MTMR6: variants seen among roughly 807,000 people sequenced by gnomAD.
MTMR6 encodes the protein myotubularin related protein 6.
Under a neutral mutation model 80.1 loss-of-function variants are expected in MTMR6, and 47 were observed. The ratio of observed to expected loss-of-function variants is 0.59; its 90% CI spans 0.46 to 0.75. The LOEUF (loss-of-function observed/expected upper bound fraction) is 0.75. Ranked by LOEUF, MTMR6 falls within the 30% of genes least tolerant of loss-of-function variation. The probability of loss-of-function intolerance (pLI) is 0.00; values close to 1 mark genes in which losing one functional copy is unlikely to be tolerated. For synonymous variants in MTMR6, 254 were observed against 253.0 expected, an observed-to-expected ratio of 1.00 and a Z score of -0.04; for missense variants, 629 against 730.9, an observed-to-expected ratio of 0.86 and a Z score of 1.61.
intron 2 of MTMR6, among the ~76,000 whole-genome samples, chr13:25,272,132 C>T (rs1957593701): frequency 6.6e-6 from 1 of 152,172 alleles, no homozygotes; most frequent in Non-Finnish European, 1.5e-5. Flanking sequence ...AAATGAATCC[C>T]TAGTCACATC....
chr13:25,249,430 T>TTCA lies in MTMR6; in HGVS notation c.1667_1668insTGA (p.Ser556_Val557insGlu). On this transcript the variant is annotated inframe_insertion, in exon 14 of 14. Coordinates refer to ENST00000381801, the MANE Select transcript of MTMR6 (RefSeq NM_004685.5). ...TGAGGTTAGGTGATTCAGGATGAAC[T>TTCA]GAATGTAACAATTCCTTGGTGAGGA... 1 of 1,614,096 alleles carries TTCA rather than the reference T, an allele frequency of 6.2e-7. No homozygotes were observed.
chr13:25,264,447 G>A (rs4463947), intron 5 of MTMR6, among the ~76,000 whole-genome samples: 148,909 of 152,148 alleles, frequency 0.98, 72,944 homozygotes, highest in East Asian at 1. Flanking sequence ...AGATTTAAAA[G>A]GACATTACTG....
intron 1 of MTMR6, among the ~76,000 whole-genome samples, chr13:25,279,495 AG>A (rs1957798695): frequency 6.6e-6 from 1 of 152,322 alleles, no homozygotes; most frequent in East Asian, 1.9e-4. Context: ...GGACTAATAC[AG>A]GTACTTTATT....
chr13:25,253,924 C>T lies in MTMR6; in HGVS notation c.1186G>A (p.Val396Met). Reference protein sequence around the residue: ...LDGDPKEVSPVFTQFLECVWH... With the variant: ...LDGDPKEVSPMFTQFLECVWH... Reference sequence around the variant, plus strand: ...ACACATTCCAAGAACTGAGTAAACACTGGTGAGACTTCCTTTGGGTCACCA... The same window carrying T: ...ACACATTCCAAGAACTGAGTAAACATTGGTGAGACTTCCTTTGGGTCACCA... The change falls in exon 11 of 14, where the codon GTG becomes ATG. Residue 396 changes from valine (V) to methionine (M), a missense_variant. By Grantham distance (21) the Val-to-Met change is conservative. Transcript: ENST00000381801. The T allele has an allele frequency of 6.2e-7, 1 of 1,614,180 alleles. No homozygotes were observed.
Position 25,251,661 on chromosome 13 carries a change from T to G in MTMR6, c.1593A>C (p.Lys531Asn). ...TCAGAATACTTACAGATTCTAGGTC[T>G]TTAATATCTTTCTCTAATTGTTTAT... The part of the protein sequence containing the change: ...EQNKQLEKDI[K>N]DLESKIKQRK... Residue 531 changes from lysine to asparagine, a missense_variant, in exon 13 of 14, where the codon AAA (lysine) becomes AAC (asparagine). Coordinates refer to ENST00000381801, the MANE Select transcript of MTMR6 (RefSeq NM_004685.5). This position sits in a 1 kb window ranked among gnomAD's most constrained non-coding sequence, Gnocchi z 4.1. The G allele has an allele frequency of 6.6e-7, 1 of 1,506,556 alleles. No individual in the cohort carries two copies. Among genetic ancestry groups the G allele is most frequent in the Non-Finnish European group, 9.1e-7 (1 of 1,093,812 alleles). The allele number at this position is 1,506,556 out of a possible 1,614,324, so 93.3% of individuals were successfully genotyped here. A position where few individuals can be genotyped will look rare whatever the true frequency, so the allele number is the denominator to read the frequency against.
intron 2 of MTMR6, among the ~76,000 whole-genome samples, chr13:25,271,602 G>A (rs1194427354): frequency 1.3e-5 from 2 of 152,176 alleles, no homozygotes; most frequent in Non-Finnish European, 2.9e-5. Flanking sequence ...CTCAGGCACA[G>A]AGACACAAGC....
Position 25,287,273 on chromosome 13 carries a change from G to A in MTMR6, c.-26C>T, listed in dbSNP as rs774217529. ...CGCAAGGAGACGTCAGCCGGCAGCC[G>A]GTCTCACAGGCGTACCATACGGCTA... On this transcript the variant is annotated 5_prime_UTR_variant, in exon 1 of 14. Transcript: ENST00000381801. 2.4e-5 allele frequency: 38 copies of A among 1,587,124 alleles called. No homozygotes were observed. The highest frequency in any genetic ancestry group is 2.0e-4 in the African/African-American group (15 of 74,126).
chr13:25,253,971 C>T lies in MTMR6; in HGVS notation c.1146-7G>A. 3 of 1,613,836 alleles carry T rather than the reference C, an allele frequency of 1.9e-6. No individual in the cohort carries two copies. The highest frequency in any genetic ancestry group is 2.2e-5 in the South Asian group (2 of 91,052). ...ACCATCCAACTGGCCACACCTAACC[C>T]CACAGAAAGTATAAGCTTTTAAAAA... On this transcript the variant is annotated splice_polypyrimidine_tract_variant and splice_region_variant and intron_variant, in intron 10 of 13. Coordinates refer to ENST00000381801, the MANE Select transcript of MTMR6 (RefSeq NM_004685.5).
chr13:25,260,654 C>G (rs1488548225), intron 6 of MTMR6: 1 of 1,287,402 alleles, frequency 7.8e-7, no homozygotes, highest in East Asian at 5.6e-5. Flanking sequence ...CTGCCAATGT[C>G]CTTTTGTGTA....
chr13:25,279,569 T>C (rs555006531), intron 1 of MTMR6, among the ~76,000 whole-genome samples: 1 of 152,220 alleles, frequency 6.6e-6, no homozygotes, highest in Non-Finnish European at 1.5e-5. Flanking sequence ...CTACTGTAGT[T>C]AGTAATCTAG....
chr13:25,278,056 A>G (rs1593157043), intron 1 of MTMR6, among the ~76,000 whole-genome samples: 1 of 152,274 alleles, frequency 6.6e-6, no homozygotes, highest in South Asian at 2.1e-4. Flanking sequence ...CCTCACCCCA[A>G]CTTCACTCAG....
At chr13:25,274,280 T>C in intron 1 of MTMR6, 93 bp from the exon 2 acceptor site, 1 of 688,752 alleles carries the variant, frequency 1.5e-6, no homozygotes, top group Non-Finnish European at 2.4e-6. Flanking sequence ...TCTCAATTTT[T>C]TCTTCCTCCT....
intron 10 of MTMR6, 29 bp downstream of exon 10, chr13:25,254,354 TAA>T: frequency 6.7e-7 from 1 of 1,494,452 alleles, no homozygotes; most frequent in African/African-American, 1.4e-5. Context: ...ACTAATTTTA[TAA>T]AATATATGAC....
intron 6 of MTMR6, among the ~76,000 whole-genome samples, chr13:25,260,840 T>C (rs924653799): frequency 2.0e-5 from 3 of 152,306 alleles, no homozygotes; most frequent in Non-Finnish European, 2.9e-5. Context: ...TTTGGCCCCA[T>C]AGCACACAAG....
chr13:25,272,191 T>G (rs1332025174), intron 2 of MTMR6, among the ~76,000 whole-genome samples: 1 of 152,156 alleles, frequency 6.6e-6, no homozygotes, highest in African/African-American at 2.4e-5. Context: ...AGGATCAAAC[T>G]TAAGCTTTTA....
chr13:25,260,710 C>A, intron 6 of MTMR6: 1 of 1,171,038 alleles, frequency 8.5e-7, no homozygotes. Flanking sequence ...TTAAAAGTAA[C>A]GTTAGCTATT....
intron 9 of MTMR6, among the ~76,000 whole-genome samples, chr13:25,255,759 T>TG (rs1034493893): frequency 1.3e-5 from 2 of 152,154 alleles, no homozygotes; most frequent in Admixed American, 1.3e-4. Flanking sequence ...CCTGACCTCA[T>TG]GATCCACCCG....
At chr13:25,267,713 A>T in intron 3 of MTMR6, 66 bp downstream of exon 3, 1 of 1,458,022 alleles carries the variant, frequency 6.9e-7, no homozygotes, top group Non-Finnish European at 9.3e-7. Context: ...ATAAAACATT[A>T]AATAAAGTAT....
intron 1 of MTMR6, among the ~76,000 whole-genome samples, chr13:25,285,804 G>C (rs1287462474): frequency 6.6e-6 from 1 of 152,136 alleles, no homozygotes; most frequent in Non-Finnish European, 1.5e-5. Flanking sequence ...ACAGTGCTGG[G>C]ATTACAGGCG....
Sources: gnomAD v4.1 joint callset for allele counts (sites outside exome capture counted in the v4.1 genomes callset) on GRCh38, gnomAD v4.1.1 for gene constraint, Gnocchi (gnomAD v3.1) non-coding constraint, MANE v1.5 for transcripts, NCBI Gene and HGNC (gene_info 2026-07-23, HGNC 2026-07-21) for gene names.